KCTD16: variants seen among roughly 807,000 people sequenced by gnomAD.
KCTD16 encodes the protein potassium channel tetramerization domain containing 16.
Under a neutral mutation model 33.2 loss-of-function variants are expected in KCTD16, and 13 were observed. The ratio of observed to expected loss-of-function variants is 0.39; its 90% confidence interval spans 0.25 to 0.62. The LOEUF (loss-of-function observed/expected upper bound fraction) is 0.62. KCTD16 is among the 20% of genes least tolerant of loss of function. The pLI, the probability that KCTD16 is intolerant of heterozygous loss-of-function variation, is 0.50. For synonymous variants in KCTD16, 197 were observed against 195.3 expected (o/e 1.01, Z -0.07); for missense variants, 441 against 525.1 (o/e 0.84, Z 1.57).
intron 3 of KCTD16, among the ~76,000 whole-genome samples, chr5:144,405,424 A>G (rs1394519788): frequency 2.0e-5 from 3 of 152,188 alleles, no homozygotes; most frequent in Admixed American, 6.5e-5. Flanking sequence ...ACTTTCCTGG[A>G]TACCTTGATC....
intron 3 of KCTD16, among the ~76,000 whole-genome samples, chr5:144,349,234 T>C (rs1752884924): frequency 6.6e-6 from 1 of 152,174 alleles, no homozygotes; most frequent in South Asian, 2.1e-4. Flanking sequence ...AGGTGGTGCT[T>C]TGCATGGTTT....
At chr5:144,451,386 G>T (rs554999978) in intron 3 of KCTD16, among the ~76,000 whole-genome samples, 1 of 152,114 alleles carries the variant, frequency 6.6e-6, no homozygotes, top group African/African-American at 2.4e-5. Flanking sequence ...GTCTGTTTGG[G>T]TGTGGTATGG....
chr5:144,224,471 A>G (rs1242714816), intron 3 of KCTD16, among the ~76,000 whole-genome samples: 2 of 151,342 alleles, frequency 1.3e-5, no homozygotes, highest in Admixed American at 1.3e-4. Context: ...TCTGACATAA[A>G]GAATTAATGG....
At chr5:144,256,177 C>T (rs1215626656) in intron 3 of KCTD16, among the ~76,000 whole-genome samples, 1 of 152,182 alleles carries the variant, frequency 6.6e-6, no homozygotes, top group Non-Finnish European at 1.5e-5. Flanking sequence ...AACTCCTTTC[C>T]TCACGAACTG....
intron 3 of KCTD16, among the ~76,000 whole-genome samples, chr5:144,424,674 A>G (rs1056504485): frequency 1.3e-5 from 2 of 152,144 alleles, no homozygotes; most frequent in African/African-American, 2.4e-5. Flanking sequence ...TCTGGTGAGG[A>G]TGATTCCATG....
intron 3 of KCTD16, among the ~76,000 whole-genome samples, chr5:144,420,353 T>C (rs919063184): frequency 1.3e-5 from 2 of 152,122 alleles, no homozygotes; most frequent in Non-Finnish European, 2.9e-5. Context: ...CACATATACA[T>C]ATGTAACAAA....
chr5:144,229,557 T>C (rs138156870), intron 3 of KCTD16, among the ~76,000 whole-genome samples: 1 of 152,302 alleles, frequency 6.6e-6, no homozygotes, highest in East Asian at 1.9e-4. Flanking sequence ...ATTATATTAT[T>C]TCATCTTAAT....
At position 144,365,076 on chromosome 5, in the gene KCTD16, G is replaced by A. The variant is rs578108123; in HGVS notation, c.833-108584G>A. On this transcript the variant is annotated intron_variant, in intron 3 of 3. Transcript: ENST00000512467. ...CTTATTTCTTTGATGACAAGTTACCGTTGCTACAAGCAGAGAAGTGAGCTT... is the reference window on the plus strand; with the variant it reads ...CTTATTTCTTTGATGACAAGTTACCATTGCTACAAGCAGAGAAGTGAGCTT... 1.2e-3 allele frequency among the ~76,000 whole-genome samples: 188 copies of A among 150,404 alleles called. No individual in the cohort carries two copies. The Middle Eastern group carries it at 0.021, about 17-fold the overall frequency.
chr5:144,293,210 T>A (rs542611741), intron 3 of KCTD16, among the ~76,000 whole-genome samples: 1 of 152,338 alleles, frequency 6.6e-6, no homozygotes, highest in East Asian at 1.9e-4. Context: ...TGATGGTTTG[T>A]GGCTCTTTCC....
intron 3 of KCTD16, among the ~76,000 whole-genome samples, chr5:144,319,966 A>G (rs1468214294): frequency 1.3e-5 from 2 of 152,252 alleles, no homozygotes; most frequent in East Asian, 1.9e-4. Context: ...TTATATTAGC[A>G]AAGAGTTATA....
At chr5:144,395,227 G>C (rs2126941554) in intron 3 of KCTD16, among the ~76,000 whole-genome samples, 1 of 152,278 alleles carries the variant, frequency 6.6e-6, no homozygotes, top group East Asian at 1.9e-4. Flanking sequence ...TTTTTTAATT[G>C]GGTTAATAAC....
At chr5:144,445,250 A>G (rs1405375524) in intron 3 of KCTD16, among the ~76,000 whole-genome samples, 1 of 151,892 alleles carries the variant, frequency 6.6e-6, no homozygotes, top group Non-Finnish European at 1.5e-5. Context: ...TAAATTATTT[A>G]TCCTTTTACT....
At chr5:144,332,475 CAGAGAGGG>C (rs1752384689) in intron 3 of KCTD16, among the ~76,000 whole-genome samples, 1 of 152,126 alleles carries the variant, frequency 6.6e-6, no homozygotes, top group African/African-American at 2.4e-5. Context: ...CTGACAGTAG[CAGAGAGGG>C]TTGTCTTCAG....
intron 3 of KCTD16, among the ~76,000 whole-genome samples, chr5:144,425,497 CTA>C (rs1242505760): frequency 6.6e-6 from 1 of 151,822 alleles, no homozygotes; most frequent in Non-Finnish European, 1.5e-5. Context: ...CATAGGGACT[CTA>C]TGCTGACTCT....
intron 3 of KCTD16, among the ~76,000 whole-genome samples, chr5:144,213,579 G>A (rs532217008): frequency 6.6e-5 from 10 of 152,106 alleles, no homozygotes; most frequent in South Asian, 6.2e-4. Context: ...TGGTAAGCTC[G>A]TTAGATCTAG....
At chr5:144,423,970 A>G (rs550522023) in intron 3 of KCTD16, among the ~76,000 whole-genome samples, 2 of 152,284 alleles carry the variant, frequency 1.3e-5, no homozygotes, top group East Asian at 3.9e-4. Context: ...TTTTCATGAT[A>G]TCCACCACCA....
rs545278683 is a variant in KCTD16, at chr5:144,385,246, G to T, written c.833-88414G>T. On this transcript the variant is annotated intron_variant, in intron 3 of 3. Coordinates refer to ENST00000512467, the MANE Select transcript of KCTD16 (RefSeq NM_020768.4). Reference sequence around the variant, plus strand: ...CAAAAATTCAGAAAAATATATTTTTGTTTACTCGTAGATGCTGATGACTTC... The same window carrying T: ...CAAAAATTCAGAAAAATATATTTTTTTTTACTCGTAGATGCTGATGACTTC... 3.9e-5 allele frequency: 6 copies of T among 152,238 alleles called. No individual in the cohort carries two copies. In the South Asian group the frequency reaches 1.2e-3, roughly 32 times the overall value. The allele number at this position is 152,238 out of a possible 1,614,324, so 9.4% of individuals were successfully genotyped here.
In KCTD16 at chr5:144,436,742, C is replaced by CA. The variant is rs915227065; in HGVS notation, c.833-36917dup. 8.6e-5 allele frequency among the ~76,000 whole-genome samples: 13 copies of CA among 151,872 alleles called. 1 individual carries two copies. The highest frequency in any genetic ancestry group is 4.4e-5 in the Non-Finnish European group (3 of 67,976). ...AGCTGGGATTACAGGAGCATGCCGCCACGCCCAGCTAATTTTTGTATTTTT... is the reference window on the plus strand; with the variant it reads ...AGCTGGGATTACAGGAGCATGCCGCCAACGCCCAGCTAATTTTTGTATTTTT... On this transcript the variant is annotated intron_variant, in intron 3 of 3. Coordinates refer to ENST00000512467, the MANE Select transcript of KCTD16 (RefSeq NM_020768.4).
intron 3 of KCTD16, among the ~76,000 whole-genome samples, chr5:144,305,773 C>T (rs2126873794): frequency 6.6e-6 from 1 of 152,124 alleles, no homozygotes; most frequent in Admixed American, 6.5e-5. Context: ...GAGATCGTGC[C>T]ACTGCACCCC....
Sources: allele counts gnomAD v4.1 joint callset (sites outside exome capture counted in the v4.1 genomes callset), GRCh38; gene constraint gnomAD v4.1.1; transcripts MANE v1.5; gene names NCBI Gene and HGNC (gene_info 2026-07-23, HGNC 2026-07-21).